EYS: variants seen among roughly 807,000 people sequenced by gnomAD.
The protein encoded by EYS is protein eyes shut homolog.
In EYS, 250 loss-of-function variants were observed where a neutral mutation model predicts 282.1. The observed-to-expected ratio is 0.89, with a 90% CI of 0.80 to 0.98. The LOEUF (loss-of-function observed/expected upper bound fraction) is 0.98, where lower values mean the gene tolerates loss of function less well. Among genes scored for constraint, EYS ranks in the 50% least tolerant of loss-of-function variants. The pLI, the probability that EYS is intolerant of heterozygous loss-of-function variation, is 0.00. For missense variants in EYS, 4,016 were observed against 3,709.0 expected, an observed-to-expected ratio of 1.08 and a Z score of -2.15; for synonymous variants, 1,355 against 1,282.9, an observed-to-expected ratio of 1.06 and a Z score of -1.20.
At chr6:64,577,095 G>C (rs1044870518) in intron 26 of EYS, among the ~76,000 whole-genome samples, 1 of 152,040 alleles carries the variant, frequency 6.6e-6, no homozygotes, top group Non-Finnish European at 1.5e-5. Context: ...AAGCTAGGAG[G>C]GGGCATGGAG....
chr6:65,648,565 G>C (rs1767539942), intron 1 of EYS, among the ~76,000 whole-genome samples: 1 of 152,054 alleles, frequency 6.6e-6, no homozygotes, highest in African/African-American at 2.4e-5. Flanking sequence ...GAAATGGTGG[G>C]AGGGTCGTGA....
At chr6:65,617,799 G>A (rs1467247287) in intron 2 of EYS, among the ~76,000 whole-genome samples, 1 of 149,804 alleles carries the variant, frequency 6.7e-6, no homozygotes, top group Non-Finnish European at 1.5e-5. Flanking sequence ...GAGAATATGT[G>A]GTGTTTGGTT....
intron 31 of EYS, among the ~76,000 whole-genome samples, chr6:64,146,619 G>T (rs1774526834): frequency 6.6e-6 from 1 of 152,152 alleles, no homozygotes; most frequent in South Asian, 2.1e-4. Flanking sequence ...ACTTTGAAAA[G>T]TGTAGGACAT....
intron 18 of EYS, among the ~76,000 whole-genome samples, chr6:64,899,504 A>G (rs375632059): frequency 3.7e-4 from 57 of 152,318 alleles, no homozygotes; most frequent in African/African-American, 1.3e-3. Flanking sequence ...GCTGATGAGC[A>G]ACTTCAGCAA....
intron 30 of EYS, among the ~76,000 whole-genome samples, chr6:64,296,037 A>G (rs369040506): frequency 7.2e-5 from 11 of 152,344 alleles, no homozygotes; most frequent in African/African-American, 2.6e-4. Context: ...CAAAATGCAG[A>G]TAGAGCAATG....
At chr6:64,098,878 C>T (rs1353625817) in intron 31 of EYS, among the ~76,000 whole-genome samples, 1 of 152,138 alleles carries the variant, frequency 6.6e-6, no homozygotes, top group African/African-American at 2.4e-5. Flanking sequence ...GCTGGGATTA[C>T]AAGCATGAGC....
intron 5 of EYS, among the ~76,000 whole-genome samples, chr6:65,431,243 T>C (rs546009385): frequency 1.3e-5 from 2 of 152,300 alleles, no homozygotes; most frequent in East Asian, 1.9e-4. Flanking sequence ...GTGTGGGTCA[T>C]AACCTCCTTT....
intron 1 of EYS, among the ~76,000 whole-genome samples, chr6:65,657,555 A>C (rs1330623382): frequency 6.6e-6 from 1 of 151,884 alleles, no homozygotes; most frequent in African/African-American, 2.4e-5. Context: ...AGGAGCTGAA[A>C]GATGTGACTG....
intron 35 of EYS, among the ~76,000 whole-genome samples, chr6:63,920,764 A>T (rs1764546771): frequency 6.6e-6 from 1 of 152,208 alleles, no homozygotes; most frequent in South Asian, 2.1e-4. Flanking sequence ...GTCTAATTTC[A>T]CACTTGGTCC....
chr6:64,445,880 C>G (rs985928699), intron 26 of EYS, among the ~76,000 whole-genome samples: 1 of 151,998 alleles, frequency 6.6e-6, no homozygotes, highest in Non-Finnish European at 1.5e-5. Context: ...GAGCTATGGA[C>G]CAGGGTTCAT....
chr6:64,843,959 C>T (rs1454162220), intron 19 of EYS, among the ~76,000 whole-genome samples: 1 of 152,090 alleles, frequency 6.6e-6, no homozygotes, highest in Non-Finnish European at 1.5e-5. Flanking sequence ...CCATACTATT[C>T]TTGTGGTAGT....
intron 8 of EYS, among the ~76,000 whole-genome samples, chr6:65,370,291 A>G (rs1218943679): frequency 8.9e-6 from 1 of 112,128 alleles, no homozygotes; most frequent in Non-Finnish European, 1.7e-5. Flanking sequence ...ATCTTACTCT[A>G]TTACCCCAGG....
At chr6:65,486,382 T>G (rs1417570521) in intron 5 of EYS, among the ~76,000 whole-genome samples, 1 of 152,284 alleles carries the variant, frequency 6.6e-6, no homozygotes, top group East Asian at 1.9e-4. Flanking sequence ...AATCTAAGGG[T>G]GCAGGGAAGC....
At chr6:65,491,752 C>T (rs1766053181) in intron 4 of EYS, among the ~76,000 whole-genome samples, 2 of 152,210 alleles carry the variant, frequency 1.3e-5, no homozygotes, top group Middle Eastern at 3.4e-3. Flanking sequence ...CACCCACCGC[C>T]GCCAAATTCA....
chr6:65,029,910 G>T (rs1229186155), intron 13 of EYS, among the ~76,000 whole-genome samples: 6 of 152,136 alleles, frequency 3.9e-5, no homozygotes, highest in Non-Finnish European at 4.4e-5. Flanking sequence ...TCCTGGGGAA[G>T]GGGTGAGACA....
chr6:65,401,202 T>C (rs1303371184), intron 7 of EYS, among the ~76,000 whole-genome samples: 1 of 151,880 alleles, frequency 6.6e-6, no homozygotes. Context: ...GTCGTTTTTA[T>C]TTTTATTATT....
chr6:65,639,225 T>C (rs1410482863), intron 2 of EYS, among the ~76,000 whole-genome samples: 5 of 152,082 alleles, frequency 3.3e-5, no homozygotes, highest in Non-Finnish European at 7.4e-5. Context: ...AATACTACAT[T>C]TAAAACTAGT....
intron 36 of EYS, among the ~76,000 whole-genome samples, chr6:63,848,949 G>T (rs1424718156): frequency 2.6e-5 from 4 of 152,188 alleles, no homozygotes; most frequent in African/African-American, 9.6e-5. Context: ...AATTCTTGCT[G>T]CCAGCACAGC....
chr6:64,473,487 T>C (rs972950807), intron 26 of EYS, among the ~76,000 whole-genome samples: 5 of 152,194 alleles, frequency 3.3e-5, no homozygotes, highest in African/African-American at 7.2e-5. Context: ...AATTTGCTAA[T>C]ATGACCTTTC....
Sources: gnomAD v4.1 joint callset for allele counts (sites outside exome capture counted in the v4.1 genomes callset) on GRCh38, gnomAD v4.1.1 for gene constraint, MANE v1.5 for transcripts, NCBI Gene and HGNC (gene_info 2026-07-23, HGNC 2026-07-21) for gene names.